The following FN1 variants were observed in gnomAD, a reference collection of about 807,000 sequenced individuals.
FN1 encodes the protein fibronectin.
Under a neutral mutation model 297.3 loss-of-function variants are expected in FN1, and 106 were observed. That is an observed-to-expected ratio of 0.36 (90% CI 0.30 to 0.42). The LOEUF (loss-of-function observed/expected upper bound fraction) is 0.42. Ranked by LOEUF, FN1 falls within the 10% of genes least tolerant of loss-of-function variation. FN1 has a pLI of 1.00. For synonymous variants in FN1, 1,149 were observed against 1,152.6 expected, an observed-to-expected ratio of 1.00 and a Z score of 0.06; for missense variants, 2,690 against 3,124.9, an observed-to-expected ratio of 0.86 and a Z score of 3.32.
At chr2:215,404,352 A>C in intron 20 of FN1, 37 bp downstream of exon 20, 1 of 1,582,588 alleles carries the variant, frequency 6.3e-7, no homozygotes, top group Non-Finnish European at 8.7e-7. Flanking sequence ...AGAGAATGTA[A>C]ATATAGTTAA....
At chr2:215,369,887 G>A (rs1367230509) in intron 41 of FN1, among the ~76,000 whole-genome samples, 2 of 152,194 alleles carry the variant, frequency 1.3e-5, no homozygotes, top group Admixed American at 1.3e-4. Context: ...TTCTTTATAG[G>A]TAATCGTTTC....
In FN1 at chr2:215,427,367, G is replaced by T. The variant is rs113404955; in HGVS notation, c.844+813C>A. Among the ~76,000 whole-genome samples, 1,172 of 152,170 alleles carry T rather than the reference G, an allele frequency of 7.7e-3. 3 individuals are homozygous for T. Among genetic ancestry groups the T allele is most frequent in the Non-Finnish European group, 0.012 (812 of 68,014 alleles). ...GCTGAGACACTACGTAATGATGTTG[G>T]CACATCATATAGTAAAAAGTTAATC... On this transcript the variant is annotated intron_variant, in intron 6 of 45. Transcript: ENST00000354785.
At chr2:215,385,567 G>GA (rs528179850) in intron 28 of FN1, among the ~76,000 whole-genome samples, 15,161 of 113,786 alleles carry the variant, frequency 0.13, 1,244 homozygotes, top group African/African-American at 0.24. Context: ...ATTTCAGGAA[G>GA]AAAAAAAAAA....
Position 215,361,285 on chromosome 2 carries a change from T to G in FN1, c.*270A>C. ...TTTCCTATTGATCCCAAACCAAATC[T>G]TAGAATCACTTCATTTAAAATACTG... On this transcript the variant is annotated 3_prime_UTR_variant, in exon 46 of 46. Coordinates refer to ENST00000354785, the MANE Select transcript of FN1 (RefSeq NM_212482.4). 2.5e-6 allele frequency: 1 copy of G among 407,934 alleles called. No homozygotes were observed. Among genetic ancestry groups the G allele is most frequent in the South Asian group, 3.0e-5 (1 of 32,842 alleles). 25.3% of individuals were successfully genotyped at this position (407,934 alleles called of 1,614,324 possible).
At chr2:215,413,127 T>C (rs2062915786) in intron 13 of FN1, among the ~76,000 whole-genome samples, 1 of 151,720 alleles carries the variant, frequency 6.6e-6, no homozygotes, top group Non-Finnish European at 1.5e-5. Flanking sequence ...CACTTGGGGG[T>C]TTTTTGAAAC....
intron 36 of FN1, among the ~76,000 whole-genome samples, chr2:215,376,193 G>A (rs2057262715): frequency 6.6e-6 from 1 of 152,082 alleles, no homozygotes; most frequent in Non-Finnish European, 1.5e-5. Context: ...ATACATCACT[G>A]TTTTTTATTT....
chr2:215,403,422 A>T (rs2061383469), intron 20 of FN1, among the ~76,000 whole-genome samples: 1 of 152,182 alleles, frequency 6.6e-6, no homozygotes, highest in Non-Finnish European at 1.5e-5. Flanking sequence ...TAACATCCAT[A>T]CTTTTAAATT....
chr2:215,426,947 G>C (rs994399261), intron 6 of FN1, among the ~76,000 whole-genome samples: 12 of 151,362 alleles, frequency 7.9e-5, no homozygotes, highest in African/African-American at 2.9e-4. Flanking sequence ...GCGATCTCGG[G>C]TCACTGCAAA....
At chr2:215,361,909 T>C (rs2053531543) in intron 45 of FN1, 60 bp downstream of exon 45, 9 of 1,597,424 alleles carry the variant, frequency 5.6e-6, no homozygotes, top group South Asian at 4.5e-5. Context: ...TGAAGAAAGA[T>C]ACCTGTAGAA....
intron 29 of FN1, chr2:215,384,588 C>A (rs764112547): frequency 9.8e-6 from 4 of 408,286 alleles, no homozygotes; most frequent in African/African-American, 2.0e-5. Context: ...TCACTTATTT[C>A]CACCACTGAT....
intron 11 of FN1, 44 bp downstream of exon 11, chr2:215,420,629 C>A (rs753867229): frequency 6.2e-7 from 1 of 1,612,444 alleles, no homozygotes; most frequent in Non-Finnish European, 8.5e-7. Flanking sequence ...ACTTGCTAAC[C>A]ATTCCCCCTG....
At chr2:215,399,394 C>CT (rs1269058893) in intron 20 of FN1, 43 bp from the exon 21 acceptor site, 2 of 1,275,234 alleles carry the variant, frequency 1.6e-6, no homozygotes, top group Non-Finnish European at 2.3e-6. Context: ...CTCAAACTCA[C>CT]AGATGATTGC....
At position 215,382,303 on chromosome 2, in the gene FN1, T is replaced by C. The variant is rs2058327610; in HGVS notation, c.5073A>G (p.Glu1691=). 1.2e-6 allele frequency: 2 copies of C among 1,612,708 alleles called. No individual in the cohort carries two copies. The highest frequency in any genetic ancestry group is 1.7e-6 in the Non-Finnish European group (2 of 1,178,704). Residue 1691 remains glutamate, a synonymous_variant, in exon 32 of 46, where the codon GAA becomes GAG. Coordinates refer to ENST00000354785, the MANE Select transcript of FN1 (RefSeq NM_212482.4). ...AGPDQTEMTI[E]GLQPTVEYVV... ...CATACTCCACTGTGGGCTGCAAGCCTTCAATAGTCATTTCTGTTTGATCTG... is the reference window on the plus strand; with the variant it reads ...CATACTCCACTGTGGGCTGCAAGCCCTCAATAGTCATTTCTGTTTGATCTG...
chr2:215,425,616 G>A (rs943662362), intron 6 of FN1, among the ~76,000 whole-genome samples: 7 of 151,678 alleles, frequency 4.6e-5, no homozygotes, highest in East Asian at 2.0e-4. Context: ...GCAGTGGCGC[G>A]GTCTCGGCTC....
At chr2:215,426,446 C>G (rs2065449296) in intron 6 of FN1, among the ~76,000 whole-genome samples, 1 of 152,168 alleles carries the variant, frequency 6.6e-6, no homozygotes, top group Non-Finnish European at 1.5e-5. Context: ...CCGCGCCCGG[C>G]CGATCTTTTC....
At chr2:215,413,200 A>C (rs7562453) in intron 13 of FN1, among the ~76,000 whole-genome samples, 90,462 of 152,070 alleles carry the variant, frequency 0.59, 29,583 homozygotes, top group East Asian at 1. Flanking sequence ...ACTCCCTGCA[A>C]CCTTTGCCTC....
At position 215,361,329 on chromosome 2, in the gene FN1, G is replaced by T. The variant is rs778425509; in HGVS notation, c.*226C>A. On this transcript the variant is annotated 3_prime_UTR_variant, in exon 46 of 46. Coordinates refer to ENST00000354785, the MANE Select transcript of FN1 (RefSeq NM_212482.4). ...AATACTGAGCGGTATTGAATACTTCGAAGCAGAACAGGCAATGTGCAGCCC... is the reference window on the plus strand; with the variant it reads ...AATACTGAGCGGTATTGAATACTTCTAAGCAGAACAGGCAATGTGCAGCCC... The T allele has an allele frequency of 3.4e-5, 19 of 562,074 alleles. No individual in the cohort carries two copies. The highest frequency in any genetic ancestry group is 3.0e-4 in the South Asian group (15 of 49,426). The allele number at this position is 562,074 out of a possible 1,614,324, so 34.8% of individuals were successfully genotyped here. A position where few individuals can be genotyped will look rare whatever the true frequency, so the allele number is the denominator to read the frequency against.
At chr2:215,373,941 C>A (rs1186377423) in intron 38 of FN1, among the ~76,000 whole-genome samples, 1 of 152,150 alleles carries the variant, frequency 6.6e-6, no homozygotes, top group African/African-American at 2.4e-5. Context: ...CTCGGCCTCC[C>A]AAAGTGCTGG....
chr2:215,426,949 C>T (rs1458146431), intron 6 of FN1, among the ~76,000 whole-genome samples: 1 of 151,640 alleles, frequency 6.6e-6, no homozygotes, highest in African/African-American at 2.4e-5. Context: ...GATCTCGGGT[C>T]ACTGCAAACT....
Sources: gnomAD v4.1 joint callset for allele counts (sites outside exome capture counted in the v4.1 genomes callset) on GRCh38, gnomAD v4.1.1 for gene constraint, MANE v1.5 for transcripts, NCBI Gene and HGNC (gene_info 2026-07-23, HGNC 2026-07-21) for gene names.